The following SLC4A4 variants were observed in gnomAD, a reference collection of about 807,000 sequenced individuals.
SLC4A4 encodes the protein solute carrier family 4 member 4.
Under a neutral mutation model 111.5 loss-of-function variants are expected in SLC4A4, and 27 were observed. The observed-to-expected ratio is 0.24, with a 90% CI of 0.18 to 0.33. SLC4A4 has a LOEUF of 0.33. SLC4A4 is among the 10% of genes least tolerant of loss of function. The probability of loss-of-function intolerance (pLI) is 1.00; values close to 1 mark genes in which losing one functional copy is unlikely to be tolerated. For synonymous variants in SLC4A4, 443 were observed against 463.4 expected (o/e 0.96, Z 0.57); for missense variants, 909 against 1,315.5 (o/e 0.69, Z 4.78).
At chr4:71,443,962 G>A (rs1012097726) in intron 8 of SLC4A4, among the ~76,000 whole-genome samples, 1 of 152,150 alleles carries the variant, frequency 6.6e-6, no homozygotes, top group African/African-American at 2.4e-5. Flanking sequence ...GTTGGTTATG[G>A]TGGGTTTGTG....
chr4:71,298,975 A>G (rs1174622942), intron 3 of SLC4A4, among the ~76,000 whole-genome samples: 1 of 152,204 alleles, frequency 6.6e-6, no homozygotes, highest in Admixed American at 6.5e-5. Flanking sequence ...AATTTTATTT[A>G]TTACTCTAGC....
chr4:71,321,573 C>G (rs968940416), intron 3 of SLC4A4, among the ~76,000 whole-genome samples: 31 of 151,974 alleles, frequency 2.0e-4, no homozygotes, highest in African/African-American at 7.5e-4. Flanking sequence ...ATTGGCTCAC[C>G]CCCAGTTCTG....
intron 3 of SLC4A4, among the ~76,000 whole-genome samples, chr4:71,304,935 A>G (rs1488004032): frequency 2.0e-5 from 3 of 152,232 alleles, no homozygotes; most frequent in African/African-American, 7.2e-5. Flanking sequence ...TAGTTGTTTT[A>G]ATAGCACTGC....
chr4:71,392,643 GA>G (rs1328474536), intron 6 of SLC4A4, among the ~76,000 whole-genome samples: 1 of 151,970 alleles, frequency 6.6e-6, no homozygotes, highest in Non-Finnish European at 1.5e-5. Flanking sequence ...ACAAGATAGA[GA>G]AAGAAGGAAT....
chr4:71,181,017 A>G (rs1745273519), intron 2 of SLC4A4, among the ~76,000 whole-genome samples: 1 of 152,132 alleles, frequency 6.6e-6, no homozygotes, highest in African/African-American at 2.4e-5. Context: ...TATATATACC[A>G]TGGAATACTA....
At chr4:71,181,413 C>T (rs1745289944) in intron 2 of SLC4A4, among the ~76,000 whole-genome samples, 1 of 152,038 alleles carries the variant, frequency 6.6e-6, no homozygotes, top group South Asian at 2.1e-4. Flanking sequence ...AGTCTTCCTC[C>T]CTATGCCTGC....
chr4:71,555,557 ATAGTGTT>A (rs1311090646), intron 21 of SLC4A4, among the ~76,000 whole-genome samples: 3 of 151,902 alleles, frequency 2.0e-5, no homozygotes, highest in South Asian at 2.1e-4. Flanking sequence ...GTTCTTAAAG[ATAGTGTT>A]TATCCATTTG....
intron 3 of SLC4A4, among the ~76,000 whole-genome samples, chr4:71,260,656 G>A (rs533162317): frequency 3.9e-5 from 6 of 152,262 alleles, no homozygotes; most frequent in African/African-American, 1.4e-4. Flanking sequence ...TTTCAGAAGG[G>A]ACACTTGTGT....
At chr4:71,156,847 C>T (rs1744492355) in intron 2 of SLC4A4, among the ~76,000 whole-genome samples, 1 of 152,136 alleles carries the variant, frequency 6.6e-6, no homozygotes, top group Non-Finnish European at 1.5e-5. Flanking sequence ...TTCTTTTCTG[C>T]TCCAAACTCT....
chr4:71,525,480 CA>C (rs1490390436), intron 16 of SLC4A4, among the ~76,000 whole-genome samples: 1 of 151,962 alleles, frequency 6.6e-6, no homozygotes, highest in African/African-American at 2.4e-5. Flanking sequence ...ATCCATGTAT[CA>C]TTTTTAAAAA....
chr4:71,075,079 C>T (rs1438726637), intron 1 of SLC4A4, among the ~76,000 whole-genome samples: 1 of 152,202 alleles, frequency 6.6e-6, no homozygotes, highest in East Asian at 1.9e-4. Flanking sequence ...CTATTATTAG[C>T]ACCAGGATTA....
At chr4:71,317,923 A>G (rs915247117) in intron 3 of SLC4A4, among the ~76,000 whole-genome samples, 2 of 152,064 alleles carry the variant, frequency 1.3e-5, no homozygotes, top group African/African-American at 4.8e-5. Flanking sequence ...TATGTTCATA[A>G]TAAGCGCTAT....
At chr4:71,102,303 C>T (rs1448231067) in intron 2 of SLC4A4, among the ~76,000 whole-genome samples, 9 of 149,222 alleles carry the variant, frequency 6.0e-5, no homozygotes, top group Non-Finnish European at 1.3e-4. Context: ...GATTGGTGTA[C>T]CTGAAAGTGA....
chr4:71,289,185 C>G (rs1292466620), intron 3 of SLC4A4, among the ~76,000 whole-genome samples: 4 of 151,956 alleles, frequency 2.6e-5, no homozygotes. Flanking sequence ...GACAAGCTAA[C>G]AAGGAAAACA....
chr4:71,164,870 A>C (rs1281468677), intron 2 of SLC4A4, among the ~76,000 whole-genome samples: 1 of 152,222 alleles, frequency 6.6e-6, no homozygotes, highest in Non-Finnish European at 1.5e-5. Context: ...AAAAACAAAA[A>C]AACCATCAAA....
At chr4:71,456,886 G>A (rs1262325177) in intron 12 of SLC4A4, among the ~76,000 whole-genome samples, 1 of 152,182 alleles carries the variant, frequency 6.6e-6, no homozygotes, top group Non-Finnish European at 1.5e-5. Flanking sequence ...CATTGGCAGA[G>A]CCTGAAATAA....
chr4:71,146,232 T>C (rs1230103439), intron 2 of SLC4A4, among the ~76,000 whole-genome samples: 1 of 152,238 alleles, frequency 6.6e-6, no homozygotes, highest in African/African-American at 2.4e-5. Flanking sequence ...GAGCAGGTTG[T>C]TCAGTTTCCA....
intron 7 of SLC4A4, among the ~76,000 whole-genome samples, chr4:71,420,868 C>T (rs563322323): frequency 1.3e-5 from 2 of 150,078 alleles, no homozygotes; most frequent in South Asian, 4.6e-4. Flanking sequence ...CCGGTACCAG[C>T]CGCTGCAAAA....
intron 1 of SLC4A4, among the ~76,000 whole-genome samples, chr4:71,064,003 T>C (rs1195561565): frequency 6.6e-6 from 1 of 152,176 alleles, no homozygotes; most frequent in East Asian, 1.9e-4. Flanking sequence ...CCTTTGATTA[T>C]TACACACTGT....
Sources: allele counts gnomAD v4.1 joint callset (sites outside exome capture counted in the v4.1 genomes callset), GRCh38; gene constraint gnomAD v4.1.1; transcripts MANE v1.5; gene names NCBI Gene and HGNC (gene_info 2026-07-23, HGNC 2026-07-21).